CABIN1: variants seen among roughly 807,000 people sequenced by gnomAD.
The protein encoded by CABIN1 is calcineurin-binding protein cabin-1.
A neutral mutation model predicts 227.7 loss-of-function variants in CABIN1; 133 were observed. The observed-to-expected ratio is 0.58, with a 90% CI of 0.51 to 0.67. CABIN1 has a LOEUF of 0.67. CABIN1 is among the 30% of genes least tolerant of loss of function. CABIN1 has a pLI of 0.00. For synonymous variants in CABIN1, 1,086 were observed against 1,155.1 expected (o/e 0.94, Z 1.21); for missense variants, 2,408 against 2,852.5 (o/e 0.84, Z 3.55).
chr22:24,178,384 G>C lies in CABIN1; in HGVS notation c.*188G>C. 1.5e-6 allele frequency: 1 copy of C among 673,554 alleles called. No homozygotes were observed. Among genetic ancestry groups the C allele is most frequent in the Non-Finnish European group, 2.5e-6 (1 of 404,112 alleles). The allele number at this position is 673,554 out of a possible 1,614,324, so 41.7% of individuals were successfully genotyped here. On this transcript the variant is annotated 3_prime_UTR_variant, in exon 37 of 37. Coordinates refer to ENST00000263119, the MANE Select transcript of CABIN1 (RefSeq NM_012295.4). The stretch of plus-strand genomic sequence containing the variant: ...AGGTCAGGCTGTCCACACCACATGG[G>C]AGCCCAGAGGAGGAGGGGCCCGCCT...
chr22:24,042,063 G>A (rs1484860222), intron 5 of CABIN1, among the ~76,000 whole-genome samples: 1 of 152,090 alleles, frequency 6.6e-6, no homozygotes, highest in Non-Finnish European at 1.5e-5. Flanking sequence ...ACGATCCTCC[G>A]ACCTCATGCC....
chr22:24,127,539 G>T (rs2043809133), intron 28 of CABIN1, among the ~76,000 whole-genome samples: 1 of 152,206 alleles, frequency 6.6e-6, no homozygotes, highest in Non-Finnish European at 1.5e-5. Context: ...CAGACAACAT[G>T]GGAAACCTAG....
At chr22:24,060,200 A>G (rs2039090054) in intron 12 of CABIN1, 59 bp downstream of exon 12, 18 of 1,481,816 alleles carry the variant, frequency 1.2e-5, no homozygotes, top group Non-Finnish European at 1.7e-5. Flanking sequence ...GGGGACAGGG[A>G]TCTTGCATGG....
chr22:24,093,710 T>A (rs1233367236), intron 24 of CABIN1, among the ~76,000 whole-genome samples: 1 of 150,950 alleles, frequency 6.6e-6, no homozygotes, highest in Non-Finnish European at 1.5e-5. Context: ...GACCCCCCCA[T>A]CTCTACAAAA....
intron 1 of CABIN1, chr22:24,011,825 T>C (rs1329821660): frequency 6.6e-6 from 1 of 152,214 alleles, no homozygotes; most frequent in African/African-American, 2.4e-5. Flanking sequence ...TGAGCGCGAC[T>C]CCAGACTGAA....
intron 28 of CABIN1, among the ~76,000 whole-genome samples, chr22:24,133,870 G>A (rs910139783): frequency 1.3e-5 from 2 of 152,222 alleles, no homozygotes; most frequent in Non-Finnish European, 2.9e-5. Flanking sequence ...TGTGGCCAGA[G>A]TCCAGCCCTC....
chr22:24,064,207 T>G lies in CABIN1; in HGVS notation c.2037+20T>G, dbSNP rs931601452. The G allele has an allele frequency of 5.0e-6, 8 of 1,612,278 alleles. No individual in the cohort carries two copies. The African/African-American group carries it at 8.0e-5, about 16-fold the overall frequency. The stretch of plus-strand genomic sequence containing the variant: ...GAGGAGGTAAGTGAGAATTTTCGTT[T>G]GTTTGTTTGTTTCCTGAGATGGAGT... On this transcript the variant is annotated intron_variant, in intron 15 of 36. Coordinates refer to ENST00000263119, the MANE Select transcript of CABIN1 (RefSeq NM_012295.4).
chr22:24,087,447 C>A lies in CABIN1; in HGVS notation c.3264-5C>A. The A allele has an allele frequency of 1.2e-5, 20 of 1,613,680 alleles. No homozygotes were observed. The highest frequency in any genetic ancestry group is 1.5e-5 in the Non-Finnish European group (18 of 1,180,030). The stretch of plus-strand genomic sequence containing the variant: ...TTTTAGCTGGTGCTTTTGTTACCAC[C>A]ACAGGTTTGATTCCTGGGCAGGCAT... On this transcript the variant is annotated splice_region_variant and splice_polypyrimidine_tract_variant and intron_variant, in intron 22 of 36. Coordinates refer to ENST00000263119, the MANE Select transcript of CABIN1 (RefSeq NM_012295.4).
chr22:24,033,375 GCTGGTCTCAAACTC>G (rs1179211348), intron 1 of CABIN1, among the ~76,000 whole-genome samples: 1 of 151,986 alleles, frequency 6.6e-6, no homozygotes, highest in East Asian at 1.9e-4. Flanking sequence ...TATTGCCCAG[GCTGGTCTCAAACTC>G]CTGGGCTCAA....
chr22:24,049,284 G>A, intron 7 of CABIN1, 64 bp downstream of exon 7: 1 of 1,583,552 alleles, frequency 6.3e-7, no homozygotes, highest in Non-Finnish European at 8.6e-7. Context: ...AAGGTCAGGA[G>A]CACACCACAT....
intron 1 of CABIN1, among the ~76,000 whole-genome samples, chr22:24,033,471 T>C (rs2036640482): frequency 6.6e-6 from 1 of 152,238 alleles, no homozygotes. Context: ...CTAGCAGTTA[T>C]TTTAATTGAT....
chr22:24,081,734 T>G (rs900436094), intron 19 of CABIN1, among the ~76,000 whole-genome samples: 3 of 152,160 alleles, frequency 2.0e-5, no homozygotes, highest in African/African-American at 4.8e-5. Context: ...TTATTATTTT[T>G]AAAAATTTTG....
chr22:24,020,963 C>T (rs1289810172), intron 1 of CABIN1, among the ~76,000 whole-genome samples: 1 of 151,856 alleles, frequency 6.6e-6, no homozygotes, highest in South Asian at 2.1e-4. Context: ...GATCAATCAT[C>T]TGTCTCCTCA....
chr22:24,166,889 C>G lies in CABIN1; in HGVS notation c.5258C>G (p.Pro1753Arg). The G allele has an allele frequency of 6.2e-7, 1 of 1,610,010 alleles. No homozygotes were observed. The highest frequency in any genetic ancestry group is 8.5e-7 in the Non-Finnish European group (1 of 1,178,618). Residue 1753 changes from proline (P) to arginine (R), a missense_variant, in exon 32 of 37, where the codon CCA becomes CGA. Coordinates refer to ENST00000263119, the MANE Select transcript of CABIN1 (RefSeq NM_012295.4). ...QSGERKDKESPRAGPTEPMDT... is the reference protein window; with the variant it reads ...QSGERKDKESRRAGPTEPMDT... ...GGGGAGCGGAAGGATAAAGAGAGCC[C>G]ACGGGCAGGGCCCACTGAGCCCATG...
chr22:24,107,343 A>G (rs963327427), intron 26 of CABIN1, among the ~76,000 whole-genome samples: 1 of 152,166 alleles, frequency 6.6e-6, no homozygotes, highest in Non-Finnish European at 1.5e-5. Flanking sequence ...GGCCAGTACC[A>G]ATCTCTGCTC....
intron 29 of CABIN1, among the ~76,000 whole-genome samples, chr22:24,134,688 C>G (rs1286081962): frequency 1.3e-5 from 2 of 152,220 alleles, no homozygotes; most frequent in Non-Finnish European, 2.9e-5. Context: ...TCTGGGGCCA[C>G]ACAGGCAGTG....
intron 29 of CABIN1, among the ~76,000 whole-genome samples, chr22:24,143,459 T>C (rs1266702955): frequency 6.6e-6 from 1 of 152,200 alleles, no homozygotes; most frequent in Non-Finnish European, 1.5e-5. Flanking sequence ...CCCCACCCCC[T>C]TTTGGTGTGG....
At chr22:24,060,711 G>A (rs1486892596) in intron 12 of CABIN1, among the ~76,000 whole-genome samples, 2 of 151,832 alleles carry the variant, frequency 1.3e-5, no homozygotes, top group African/African-American at 2.4e-5. Context: ...TCCTGGGCTC[G>A]GGTAGTCCTC....
chr22:24,056,132 G>T (rs1370785650), intron 9 of CABIN1, 60 bp from the exon 10 acceptor site: 1 of 1,398,666 alleles, frequency 7.1e-7, no homozygotes, highest in African/African-American at 1.4e-5. Context: ...ATGTGTCTGT[G>T]TGGTGCATTT....
Sources: gnomAD v4.1 joint callset for allele counts (sites outside exome capture counted in the v4.1 genomes callset) on GRCh38, gnomAD v4.1.1 for gene constraint, MANE v1.5 for transcripts, NCBI Gene and HGNC (gene_info 2026-07-23, HGNC 2026-07-21) for gene names.